The following RTN1 variants were observed in gnomAD, a reference collection of about 807,000 sequenced individuals.
RTN1 encodes the protein reticulon 1.
A neutral mutation model predicts 65.5 loss-of-function variants in RTN1; 25 were observed. The observed-to-expected ratio is 0.38, with a 90% confidence interval of 0.28 to 0.53. The LOEUF is 0.53. Ranked by LOEUF, RTN1 falls within the 20% of genes least tolerant of loss-of-function variation. The pLI is 0.79. For missense variants in RTN1, 983 were observed against 1,025.4 expected, an observed-to-expected ratio of 0.96 and a Z score of 0.57; for synonymous variants, 471 against 447.6, an observed-to-expected ratio of 1.05 and a Z score of -0.66.
chr14:59,714,342 T>C (rs1281459446), intron 3 of RTN1, among the ~76,000 whole-genome samples: 1 of 152,212 alleles, frequency 6.6e-6, no homozygotes, highest in Non-Finnish European at 1.5e-5. Flanking sequence ...TCATGGGTTA[T>C]CCCATTAGAA....
chr14:59,771,155 C>G (rs79974506), intron 1 of RTN1, among the ~76,000 whole-genome samples: 3,864 of 152,238 alleles, frequency 0.025, 166 homozygotes, highest in African/African-American at 0.088. Flanking sequence ...CTCTCTGTAG[C>G]CATGATGGAC....
intron 1 of RTN1, among the ~76,000 whole-genome samples, chr14:59,758,693 C>T (rs11158269): frequency 0.46 from 70,229 of 151,960 alleles, 18,094 homozygotes; most frequent in African/African-American, 0.7. Flanking sequence ...TTGTCAGTTG[C>T]CTTTTTCTAT....
intron 3 of RTN1, among the ~76,000 whole-genome samples, chr14:59,609,289 A>AG (rs1362279652): frequency 6.6e-6 from 1 of 151,982 alleles, no homozygotes; most frequent in Non-Finnish European, 1.5e-5. Context: ...TGTCTCCAAA[A>AG]AAAAAAAAAT....
chr14:59,607,526 C>T (rs751217488), intron 3 of RTN1, 34 bp from the exon 4 acceptor site: 3 of 1,551,728 alleles, frequency 1.9e-6, no homozygotes, highest in Non-Finnish European at 2.6e-6. Flanking sequence ...CAGCTGAGCT[C>T]CCGCAGTGCC....
intron 3 of RTN1, among the ~76,000 whole-genome samples, chr14:59,614,079 C>T (rs1206131243): frequency 6.6e-6 from 1 of 152,176 alleles, no homozygotes; most frequent in African/African-American, 2.4e-5. Context: ...GCCCCCACTA[C>T]CCCCACTGGG....
intron 1 of RTN1, among the ~76,000 whole-genome samples, chr14:59,818,376 G>A (rs768253821): frequency 3.1e-4 from 47 of 150,908 alleles, no homozygotes; most frequent in Non-Finnish European, 5.4e-4. Flanking sequence ...ATGGTAAGAA[G>A]GCAAACTGCC....
intron 1 of RTN1, among the ~76,000 whole-genome samples, chr14:59,861,386 A>G (rs1370699541): frequency 6.6e-6 from 1 of 152,186 alleles, no homozygotes; most frequent in Non-Finnish European, 1.5e-5. Flanking sequence ...CTCCAACCAT[A>G]TGGAACTGTA....
chr14:59,745,693 T>A lies in RTN1; in HGVS notation c.1015+15A>T, dbSNP rs778698080. 2.6e-6 allele frequency: 4 copies of A among 1,557,388 alleles called. No homozygotes were observed. In the South Asian group the frequency reaches 4.9e-5, roughly 19 times the overall value. On this transcript the variant is annotated intron_variant, in intron 2 of 8. Transcript: ENST00000267484. ...TGCTGGGTTTTCCTAAGTCAAGCAA[T>A]AACAGGGCCTTTACCTGTTCCAGAA...
intron 1 of RTN1, among the ~76,000 whole-genome samples, chr14:59,749,508 TAGATATCTATATA>T (rs1368593131): frequency 2.1e-4 from 8 of 37,908 alleles, no homozygotes; most frequent in Admixed American, 4.5e-4. Flanking sequence ...TATCTATATA[TAGATATCTATATA>T]TTTATATATA....
intron 1 of RTN1, among the ~76,000 whole-genome samples, chr14:59,859,678 G>C (rs1244073614): frequency 6.6e-6 from 1 of 152,210 alleles, no homozygotes; most frequent in Non-Finnish European, 1.5e-5. Flanking sequence ...GAACTGCCTA[G>C]AGACTTGTTA....
intron 1 of RTN1, among the ~76,000 whole-genome samples, chr14:59,863,685 C>T (rs1382338422): frequency 6.6e-6 from 1 of 151,976 alleles, no homozygotes; most frequent in Non-Finnish European, 1.5e-5. Flanking sequence ...TCCCCAGCCC[C>T]ACTCTACACT....
At chr14:59,618,780 T>C (rs1882176529) in intron 3 of RTN1, among the ~76,000 whole-genome samples, 1 of 152,266 alleles carries the variant, frequency 6.6e-6, no homozygotes, top group Non-Finnish European at 1.5e-5. Context: ...TCTGATTATA[T>C]TTAAAACTGC....
intron 1 of RTN1, among the ~76,000 whole-genome samples, chr14:59,780,127 CT>C (rs1886126694): frequency 2.0e-5 from 3 of 152,278 alleles, no homozygotes; most frequent in Admixed American, 6.5e-5. Flanking sequence ...AGCCATGGTC[CT>C]TTTCCTAAGG....
At chr14:59,605,755 T>C (rs1285385479) in intron 4 of RTN1, 15 of 349,216 alleles carry the variant, frequency 4.3e-5, no homozygotes, top group Non-Finnish European at 6.7e-5. Context: ...AGACACAGCA[T>C]GGGTGGGCTG....
At chr14:59,624,530 C>T (rs1344097791) in intron 3 of RTN1, among the ~76,000 whole-genome samples, 2 of 151,162 alleles carry the variant, frequency 1.3e-5, no homozygotes, top group Admixed American at 6.6e-5. Context: ...GGCGTGATCT[C>T]AGCTCACTGC....
In RTN1 at chr14:59,596,780, C is replaced by A. The variant is rs540011193; in HGVS notation, c.2296G>T (p.Ala766Ser). The A allele has an allele frequency of 3.7e-6, 6 of 1,610,948 alleles. No individual in the cohort carries two copies. In the Admixed American group the frequency reaches 5.0e-5, roughly 13 times the overall value. Reference sequence around the variant, plus strand: ...TGCCTCTTAGCGCCTGGGATTTTAGCCTGAATCCTAAAAAGACAGTATCAA... The same window carrying A: ...TGCCTCTTAGCGCCTGGGATTTTAGACTGAATCCTAAAAAGACAGTATCAA... The part of the protein sequence containing the change: ...HINAVVAKIQ[A>S]KIPGAKRHAE Residue 766 changes from alanine to serine, a missense_variant, in exon 9 of 9, where the codon GCT becomes TCT. By Grantham distance (99) the Ala-to-Ser change is moderately conservative. Coordinates refer to ENST00000267484, the MANE Select transcript of RTN1 (RefSeq NM_021136.3).
chr14:59,603,286 A>G (rs761500073), intron 6 of RTN1, 28 bp from the exon 7 acceptor site: 30 of 1,580,874 alleles, frequency 1.9e-5, no homozygotes, highest in Non-Finnish European at 2.5e-5. Context: ...TATAGTATTA[A>G]AATTCTGAGT....
Position 59,726,999 on chromosome 14 carries a change from T to C in RTN1, c.1685A>G (p.Gln562Arg), listed in dbSNP as rs750177864. The C allele has an allele frequency of 6.8e-6, 11 of 1,613,396 alleles. No individual in the cohort carries two copies. In the African/African-American group the frequency reaches 1.5e-4, roughly 22 times the overall value. ...AGGGCCCTTTGTGGCCGCAGGACTT[T>C]GGTTGGAACTCGAGTCTTCTTCAGG... ...RKPEEDSSSN[Q>R]SPAATKGPGP... Residue 562 changes from glutamine to arginine, a missense_variant, in exon 3 of 9, where the codon CAA becomes CGA. This residue lies in a region of RTN1 where 818 missense variants were observed against 801.8 expected (regional missense o/e 1.02). Transcript: ENST00000267484.
intron 3 of RTN1, among the ~76,000 whole-genome samples, chr14:59,655,326 G>A (rs996238026): frequency 6.6e-6 from 1 of 152,158 alleles, no homozygotes; most frequent in Admixed American, 6.5e-5. Flanking sequence ...TAAATGAAAT[G>A]ACTTTTTTTG....
Sources: gnomAD v4.1 joint callset for allele counts (sites outside exome capture counted in the v4.1 genomes callset) on GRCh38, gnomAD v4.1.1 for gene constraint, gnomAD v4.1.1 regional missense constraint, MANE v1.5 for transcripts, NCBI Gene and HGNC (gene_info 2026-07-23, HGNC 2026-07-21) for gene names.